The following MEGF11 variants were observed in gnomAD, a reference collection of about 807,000 sequenced individuals.
The protein encoded by MEGF11 is multiple epidermal growth factor-like domains protein 11.
Under a neutral mutation model 146.6 loss-of-function variants are expected in MEGF11, and 126 were observed. The observed-to-expected ratio is 0.86, with a 90% CI of 0.74 to 1.00. The LOEUF is 1.00. Among genes scored for constraint, MEGF11 ranks in the 50% least tolerant of loss-of-function variants. The probability of loss-of-function intolerance (pLI) is 0.00; values close to 1 mark genes in which losing one functional copy is unlikely to be tolerated. For missense variants in MEGF11, 1,509 were observed against 1,521.2 expected, an observed-to-expected ratio of 0.99 and a Z score of 0.13; for synonymous variants, 532 against 583.4, an observed-to-expected ratio of 0.91 and a Z score of 1.27.
intron 9 of MEGF11, among the ~76,000 whole-genome samples, chr15:65,963,999 G>A (rs901997167): frequency 6.6e-6 from 1 of 152,208 alleles, no homozygotes; most frequent in African/African-American, 2.4e-5. Context: ...CATGCCCAGG[G>A]TGGCCGGTCT....
At chr15:66,116,952 C>T (rs2087758988) in intron 4 of MEGF11, among the ~76,000 whole-genome samples, 1 of 152,248 alleles carries the variant, frequency 6.6e-6, no homozygotes, top group South Asian at 2.1e-4. Context: ...TGGAGCCAGA[C>T]AGCCTGGATT....
intron 19 of MEGF11, 61 bp downstream of exon 19, chr15:65,915,409 T>C (rs1362679162): frequency 1.0e-5 from 16 of 1,571,282 alleles, no homozygotes; most frequent in Admixed American, 9.1e-5. Context: ...AGTTGGAATC[T>C]CCCTAGAGCT....
intron 5 of MEGF11, among the ~76,000 whole-genome samples, chr15:65,985,445 T>C (rs2081821539): frequency 1.3e-5 from 2 of 152,048 alleles, no homozygotes; most frequent in African/African-American, 4.8e-5. Flanking sequence ...GCACAAGGAA[T>C]TTCCTTCGTT....
chr15:65,999,047 CTT>C lies in MEGF11; in HGVS notation c.395-16561_395-16560del, dbSNP rs35982125. Among the ~76,000 whole-genome samples, 496 of 143,856 alleles carry C rather than the reference CTT, an allele frequency of 3.4e-3. 1 individual carries two copies. Among genetic ancestry groups the C allele is most frequent in the African/African-American group, 0.011 (418 of 39,232 alleles). 94.4% of individuals were successfully genotyped at this position (143,856 alleles called of 152,430 possible). On this transcript the variant is annotated intron_variant, in intron 5 of 25. Transcript: ENST00000395614. ...CTTGTCCTCCATGTGGGTGTCACTT[CTT>C]TTTTTTTTTTTTTAAGACAGGGTCT...
intron 10 of MEGF11, among the ~76,000 whole-genome samples, chr15:65,955,761 A>AT (rs1555455762): frequency 1.6e-3 from 24 of 14,710 alleles, no homozygotes; most frequent in African/African-American, 4.8e-3. Flanking sequence ...AAAAAAAAAA[A>AT]ATATATATAT....
chr15:65,896,674 A>C lies in MEGF11; in HGVS notation c.*1260T>G, dbSNP rs898092082. On this transcript the variant is annotated 3_prime_UTR_variant, in exon 26 of 26. Coordinates refer to ENST00000395614, the MANE Select transcript of MEGF11 (RefSeq NM_001385028.1). Reference sequence around the variant, plus strand: ...TCTGAGCCTCAGTTTATCTGTGTTCATAGTGGAAGGTATAGACACATCTGA... The same window carrying C: ...TCTGAGCCTCAGTTTATCTGTGTTCCTAGTGGAAGGTATAGACACATCTGA... 1.3e-5 allele frequency: 2 copies of C among 152,310 alleles called. No individual in the cohort carries two copies. Among genetic ancestry groups the C allele is most frequent in the South Asian group, 4.1e-4 (2 of 4,834 alleles). 9.4% of individuals were successfully genotyped at this position (152,310 alleles called of 1,614,324 possible). A position where few individuals can be genotyped will look rare whatever the true frequency, so the allele number is the denominator to read the frequency against.
chr15:66,014,529 C>T (rs1174622611), intron 5 of MEGF11, among the ~76,000 whole-genome samples: 1 of 152,186 alleles, frequency 6.6e-6, no homozygotes, highest in East Asian at 1.9e-4. Flanking sequence ...AGAAAGACCA[C>T]TTGTAAAAAC....
chr15:66,082,003 A>T (rs977441708), intron 5 of MEGF11, among the ~76,000 whole-genome samples: 3 of 152,176 alleles, frequency 2.0e-5, no homozygotes, highest in Non-Finnish European at 4.4e-5. Flanking sequence ...CCAGAAATAG[A>T]GTCAGCCAGA....
In MEGF11 at chr15:65,969,412, A is replaced by G. The variant is rs191991463; in HGVS notation, c.899+1141T>C. 3.3e-5 allele frequency among the ~76,000 whole-genome samples: 5 copies of G among 152,224 alleles called. No individual in the cohort carries two copies. The East Asian group carries it at 9.7e-4, about 29-fold the overall frequency. ...ACTCAATGTTTCAGCCCTCTCTCCCATGGGTCAGGGAGGGATGGATCCCCA... is the reference window on the plus strand; with the variant it reads ...ACTCAATGTTTCAGCCCTCTCTCCCGTGGGTCAGGGAGGGATGGATCCCCA... On this transcript the variant is annotated intron_variant, in intron 8 of 25. Coordinates refer to ENST00000395614, the MANE Select transcript of MEGF11 (RefSeq NM_001385028.1).
intron 1 of MEGF11, among the ~76,000 whole-genome samples, chr15:66,188,395 G>GAA (rs796659138): frequency 6.9e-6 from 1 of 145,778 alleles, no homozygotes. Flanking sequence ...AAGAAAGGAA[G>GAA]AAAAAAAAAA....
At chr15:65,935,244 C>T (rs144014689) in intron 10 of MEGF11, among the ~76,000 whole-genome samples, 10,254 of 144,182 alleles carry the variant, frequency 0.071, 388 homozygotes, top group Middle Eastern at 0.11. Flanking sequence ...CGCTTGAACC[C>T]GGGAGGTGGA....
At chr15:65,997,657 G>A (rs2082242050) in intron 5 of MEGF11, among the ~76,000 whole-genome samples, 2 of 152,188 alleles carry the variant, frequency 1.3e-5, no homozygotes, top group South Asian at 4.1e-4. Context: ...TCAGCTCCAT[G>A]AGGGCAGGGG....
intron 1 of MEGF11, among the ~76,000 whole-genome samples, chr15:66,143,281 C>T (rs188723943): frequency 2.5e-3 from 387 of 152,350 alleles, no homozygotes; most frequent in Non-Finnish European, 4.0e-3. Flanking sequence ...TCATCCCACT[C>T]CACCATGCTC....
intron 4 of MEGF11, among the ~76,000 whole-genome samples, chr15:66,112,654 AAAAC>A (rs942961738): frequency 2.2e-4 from 33 of 147,852 alleles, no homozygotes; most frequent in African/African-American, 7.8e-4. Context: ...CAAAGAGTAT[AAAAC>A]AAACAAATAA....
intron 1 of MEGF11, among the ~76,000 whole-genome samples, chr15:66,192,789 A>T (rs1388558864): frequency 6.6e-6 from 1 of 152,238 alleles, no homozygotes; most frequent in Non-Finnish European, 1.5e-5. Context: ...TAAAATCATC[A>T]GCTAATAGGT....
chr15:66,115,460 C>T (rs1204553947), intron 4 of MEGF11, among the ~76,000 whole-genome samples: 1 of 152,242 alleles, frequency 6.6e-6, no homozygotes, highest in South Asian at 2.1e-4. Context: ...GGTGCCCCCT[C>T]CCTTTCCTCC....
At chr15:66,003,469 G>GAGA (rs199785234) in intron 5 of MEGF11, among the ~76,000 whole-genome samples, 3 of 13,540 alleles carry the variant, frequency 2.2e-4, no homozygotes, top group Non-Finnish European at 3.2e-3. Context: ...ATGGAGGGTG[G>GAGA]GGAGGAGATG....
At chr15:66,101,334 C>A (rs922975010) in intron 4 of MEGF11, among the ~76,000 whole-genome samples, 67 of 152,334 alleles carry the variant, frequency 4.4e-4, no homozygotes, top group South Asian at 8.3e-4. Context: ...CCCCTGCCCT[C>A]CCCACACTGG....
chr15:65,955,794 A>ATATATATATATATATG (rs1567175147), intron 10 of MEGF11, among the ~76,000 whole-genome samples: 1 of 25,762 alleles, frequency 3.9e-5, no homozygotes, highest in African/African-American at 1.2e-4. Context: ...ATATATATAT[A>ATATATATATATATATG]CACACACACA....
Sources: allele counts gnomAD v4.1 joint callset (sites outside exome capture counted in the v4.1 genomes callset), GRCh38; gene constraint gnomAD v4.1.1; transcripts MANE v1.5; gene names NCBI Gene and HGNC (gene_info 2026-07-23, HGNC 2026-07-21).